The following PROM2 variants were observed in gnomAD, a reference collection of about 807,000 sequenced individuals.
PROM2 encodes prominin-2.
PROM2 carries 90 observed loss-of-function variants against 110.2 expected under a neutral mutation model. The ratio of observed to expected loss-of-function variants is 0.82; its 90% CI spans 0.69 to 0.97. The LOEUF is 0.97. Among genes scored for constraint, PROM2 ranks in the 50% least tolerant of loss-of-function variants. The probability of loss-of-function intolerance (pLI) is 0.00; values close to 1 mark genes in which losing one functional copy is unlikely to be tolerated. For synonymous variants in PROM2, 470 were observed against 467.8 expected (o/e 1.00, Z -0.06); for missense variants, 1,009 against 1,074.8 (o/e 0.94, Z 0.86).
chr2:95,280,169 G>A (rs1466405261), intron 11 of PROM2, among the ~76,000 whole-genome samples, 172 bp downstream of exon 11: 1 of 152,130 alleles, frequency 6.6e-6, no homozygotes, highest in Non-Finnish European at 1.5e-5. Context: ...CTACAGCAGG[G>A]GCAACTGTAG....
rs186545784 is a variant in PROM2, at chr2:95,276,460, C to T, written c.618+113C>T. 419 of 1,592,098 alleles carry T rather than the reference C, an allele frequency of 2.6e-4. No homozygotes were observed. The African/African-American group carries it at 5.2e-3, about 20-fold the overall frequency. Reference sequence around the variant, plus strand: ...AACCAGCGCATCTGAAAGCCGCCTCCTCTCCCGCCCTTGCCTGAGAGTCGA... The same window carrying T: ...AACCAGCGCATCTGAAAGCCGCCTCTTCTCCCGCCCTTGCCTGAGAGTCGA... On this transcript the variant is annotated intron_variant, in intron 4 of 23. Transcript: ENST00000317620. This position sits in a 1 kb window ranked among gnomAD's most constrained non-coding sequence, Gnocchi z 4.6.
In PROM2 at chr2:95,276,395, C is replaced by T; in HGVS notation, c.618+48C>T. 6.2e-7 allele frequency: 1 copy of T among 1,606,350 alleles called. No homozygotes were observed. Among genetic ancestry groups the T allele is most frequent in the Non-Finnish European group, 8.5e-7 (1 of 1,176,006 alleles). Reference sequence around the variant, plus strand: ...CTCATGTGCCCCTGTGAGCACTGGGCCCGGGCAGGACAGAGCCGAGTGGGC... The same window carrying T: ...CTCATGTGCCCCTGTGAGCACTGGGTCCGGGCAGGACAGAGCCGAGTGGGC... On this transcript the variant is annotated intron_variant, in intron 4 of 23. Transcript: ENST00000317620. This position sits in a 1 kb window ranked among gnomAD's most constrained non-coding sequence, Gnocchi z 4.6.
At chr2:95,285,512 G>A in intron 15 of PROM2, 127 bp from the exon 16 acceptor site, 2 of 715,066 alleles carry the variant, frequency 2.8e-6, no homozygotes, top group Non-Finnish European at 4.7e-6. Context: ...TGACTGATGT[G>A]TCACAATACA....
chr2:95,285,290 G>T (rs1294196106), intron 15 of PROM2, among the ~76,000 whole-genome samples, 175 bp downstream of exon 15: 3 of 152,092 alleles, frequency 2.0e-5, no homozygotes, highest in Non-Finnish European at 4.4e-5. Flanking sequence ...CTGTCCTCCT[G>T]CCACCACCCC....
At position 95,286,509 on chromosome 2, in the gene PROM2, G is replaced by A. The variant is rs1677362926; in HGVS notation, c.1978G>A (p.Glu660Lys). ...TTCTGTGCTGGGGCAGCGGCTGCAG[G>A]AGGAGGCCCAAGGACTCAGAAACCT... ...DNSVLGQRLQEEAQGLRNLHQ... is the reference protein window; with the variant it reads ...DNSVLGQRLQKEAQGLRNLHQ... Residue 660 changes from glutamate (E) to lysine (K), a missense_variant, in exon 17 of 24, where the codon GAG (glutamate) becomes AAG (lysine). Transcript: ENST00000317620. 1.2e-6 allele frequency: 2 copies of A among 1,613,668 alleles called. No individual in the cohort carries two copies. Among genetic ancestry groups the A allele is most frequent in the East Asian group, 2.2e-5 (1 of 44,878 alleles).
At chr2:95,286,110 C>A (rs1202745585) in intron 16 of PROM2, among the ~76,000 whole-genome samples, 1 of 152,194 alleles carries the variant, frequency 6.6e-6, no homozygotes, top group African/African-American at 2.4e-5. Flanking sequence ...GGCAGTTGCC[C>A]TTGAGGGGAA....
chr2:95,286,739 T>C, intron 17 of PROM2, 65 bp from the exon 18 acceptor site: 2 of 1,104,278 alleles, frequency 1.8e-6, no homozygotes, highest in Non-Finnish European at 2.6e-6. Flanking sequence ...CCCTCCACTT[T>C]CCTCCCCTCT....
At chr2:95,288,106 C>T in intron 20 of PROM2, 105 bp from the exon 21 acceptor site, 1 of 1,125,586 alleles carries the variant, frequency 8.9e-7, no homozygotes, top group Non-Finnish European at 1.3e-6. Context: ...ATGGTGTCCC[C>T]AGGCCTTTCT....
In PROM2 at chr2:95,276,870, G is replaced by A. The variant is rs912992046; in HGVS notation, c.683-102G>A. 1.6e-5 allele frequency: 21 copies of A among 1,306,186 alleles called. No individual in the cohort carries two copies. The highest frequency in any genetic ancestry group is 4.4e-5 in the African/African-American group (3 of 67,972). 80.9% of individuals were successfully genotyped at this position (1,306,186 alleles called of 1,614,324 possible). ...GCTCCTTCACTCCCCTCCACCCCCC[G>A]GCTCCTGCAGAGCCCGGTGGGGCCT... On this transcript the variant is annotated intron_variant, in intron 5 of 23. Transcript: ENST00000317620. The surrounding 1 kb of genome is among the most constrained non-coding windows in gnomAD (Gnocchi z 4.6).
At position 95,290,693 on chromosome 2, in the gene PROM2, G is replaced by A. The variant is rs1457359742; in HGVS notation, c.*1480G>A. 1 of 152,200 alleles carries A rather than the reference G, an allele frequency of 6.6e-6. No individual in the cohort carries two copies. The highest frequency in any genetic ancestry group is 1.5e-5 in the Non-Finnish European group (1 of 68,044). 9.4% of individuals were successfully genotyped at this position (152,200 alleles called of 1,614,324 possible). A position where few individuals can be genotyped will look rare whatever the true frequency, so the allele number is the denominator to read the frequency against. On this transcript the variant is annotated 3_prime_UTR_variant, in exon 24 of 24. Coordinates refer to ENST00000317620, the MANE Select transcript of PROM2 (RefSeq NM_001165978.3). ...ATGGAAGCTGCCTATTATTATTGTC[G>A]TTGTTGTTGTTTGCCATGACTGCTC...
intron 14 of PROM2, among the ~76,000 whole-genome samples, chr2:95,284,116 C>A (rs1677205073): frequency 6.6e-6 from 1 of 152,224 alleles, no homozygotes; most frequent in Non-Finnish European, 1.5e-5. Flanking sequence ...CAGGGGCCTA[C>A]TGGGAGCCTG....
At position 95,291,168 on chromosome 2, in the gene PROM2, C is replaced by G. The variant is rs1677663255; in HGVS notation, c.*1955C>G. 1 of 151,836 alleles carries G rather than the reference C, an allele frequency of 6.6e-6. No individual in the cohort carries two copies. Among genetic ancestry groups the G allele is most frequent in the Admixed American group, 6.5e-5 (1 of 15,280 alleles). The allele number at this position is 151,836 out of a possible 1,614,324, so 9.4% of individuals were successfully genotyped here. A position where few individuals can be genotyped will look rare whatever the true frequency, so the allele number is the denominator to read the frequency against. On this transcript the variant is annotated 3_prime_UTR_variant, in exon 24 of 24. Coordinates refer to ENST00000317620, the MANE Select transcript of PROM2 (RefSeq NM_001165978.3). ...TTATTATCACTGTCAGATGAGCATGCTTGAATGTAGCATGACTGCCTCTTT... is the reference window on the plus strand; with the variant it reads ...TTATTATCACTGTCAGATGAGCATGGTTGAATGTAGCATGACTGCCTCTTT...
At chr2:95,288,178 C>G in intron 20 of PROM2, 33 bp from the exon 21 acceptor site, 1 of 1,604,814 alleles carries the variant, frequency 6.2e-7, no homozygotes, top group African/African-American at 1.3e-5. Context: ...GTCCAGGTGT[C>G]TCTGCATCAC....
At position 95,274,481 on chromosome 2, in the gene PROM2, T is replaced by C. The variant is rs375938244; in HGVS notation, c.-105T>C. Reference sequence around the variant, plus strand: ...CAGGAACCCAAACCTGTCGGGCAGGTTTTGAGAGCTGTGGAGAGAGGGACA... The same window carrying C: ...CAGGAACCCAAACCTGTCGGGCAGGCTTTGAGAGCTGTGGAGAGAGGGACA... On this transcript the variant is annotated 5_prime_UTR_variant, in exon 1 of 24. Coordinates refer to ENST00000317620, the MANE Select transcript of PROM2 (RefSeq NM_001165978.3). 9 of 1,399,552 alleles carry C rather than the reference T, an allele frequency of 6.4e-6. No individual in the cohort carries two copies. Among genetic ancestry groups the C allele is most frequent in the East Asian group, 5.2e-5 (2 of 38,508 alleles). 86.7% of individuals were successfully genotyped at this position (1,399,552 alleles called of 1,614,324 possible).
Position 95,287,184 on chromosome 2 carries a change from C to A in PROM2, c.2146C>A (p.Pro716Thr). The A allele has an allele frequency of 6.2e-7, 1 of 1,613,952 alleles. No homozygotes were observed. Among genetic ancestry groups the A allele is most frequent in the African/African-American group, 1.3e-5 (1 of 75,034 alleles). ...ANVTYLKGEL[P>T]AWAARILRNV... ...TGTCACCTACCTGAAAGGAGAGCTG[C>A]CTGCCTGGGCAGCCAGGATCCTGAG... The change falls in exon 19 of 24, where the codon CCT becomes ACT. Residue 716 changes from proline to threonine, a missense_variant. Pro to Thr is a conservative substitution (Grantham distance 38). Coordinates refer to ENST00000317620, the MANE Select transcript of PROM2 (RefSeq NM_001165978.3).
At chr2:95,278,260 G>A (rs1478228935) in intron 8 of PROM2, 3 of 574,134 alleles carry the variant, frequency 5.2e-6, no homozygotes, top group Non-Finnish European at 6.2e-6. Flanking sequence ...CCAGAGGGCA[G>A]GCGGCTCCCC....
Position 95,277,020 on chromosome 2 carries a change from C to A in PROM2, c.731C>A (p.Ser244Tyr). 2 of 1,553,136 alleles carry A rather than the reference C, an allele frequency of 1.3e-6. No homozygotes were observed. The highest frequency in any genetic ancestry group is 2.4e-5 in the East Asian group (1 of 41,244). ...GSAIHTQLRS[S>Y]VYPLLAAVGS... ...GCGATCCACACTCAGCTCAGGAGCT[C>A]CGTGTACCCCTTGCTGGCGGCCGTG... Residue 244 changes from serine to tyrosine, a missense_variant, in exon 6 of 24, where the codon TCC (serine) becomes TAC (tyrosine). Coordinates refer to ENST00000317620, the MANE Select transcript of PROM2 (RefSeq NM_001165978.3).
At chr2:95,278,103 G>A in intron 8 of PROM2, 99 bp downstream of exon 8, 2 of 1,019,444 alleles carry the variant, frequency 2.0e-6, no homozygotes, top group Non-Finnish European at 3.0e-6. Context: ...CTAATATTTG[G>A]GGTCCCACCC....
rs371002096 is a variant in PROM2, at chr2:95,287,252, A to G, written c.2175+39A>G. ...GGGACAGGGAAGGGGCTTCCACCCCAGGCTTCTCCAGTCCCAGCTTCTCAC... is the reference window on the plus strand; with the variant it reads ...GGGACAGGGAAGGGGCTTCCACCCCGGGCTTCTCCAGTCCCAGCTTCTCAC... On this transcript the variant is annotated intron_variant, in intron 19 of 23. Transcript: ENST00000317620. 2.1e-5 allele frequency: 34 copies of G among 1,596,090 alleles called. No homozygotes were observed. The African/African-American group carries it at 4.1e-4, about 19-fold the overall frequency.
Sources: gnomAD v4.1 joint callset for allele counts (sites outside exome capture counted in the v4.1 genomes callset) on GRCh38, gnomAD v4.1.1 for gene constraint, Gnocchi (gnomAD v3.1) non-coding constraint, MANE v1.5 for transcripts, NCBI Gene and HGNC (gene_info 2026-07-23, HGNC 2026-07-21) for gene names.